PIP5K1B: variants seen among roughly 807,000 people sequenced by gnomAD.
PIP5K1B encodes the protein phosphatidylinositol 4-phosphate 5-kinase type-1 beta.
PIP5K1B carries 42 observed loss-of-function variants against 67.0 expected under a neutral mutation model. The ratio of observed to expected loss-of-function variants is 0.63; its 90% CI spans 0.49 to 0.81. The LOEUF (loss-of-function observed/expected upper bound fraction) is 0.81, where lower values mean the gene tolerates loss of function less well. Ranked by LOEUF, PIP5K1B falls within the 30% of genes least tolerant of loss-of-function variation. PIP5K1B has a pLI of 0.00. For missense variants in PIP5K1B, 459 were observed against 646.3 expected, an observed-to-expected ratio of 0.71 and a Z score of 3.14; for synonymous variants, 214 against 231.4, an observed-to-expected ratio of 0.92 and a Z score of 0.68.
At chr9:68,998,537 T>C (rs1337979610) in intron 15 of PIP5K1B, among the ~76,000 whole-genome samples, 1 of 152,186 alleles carries the variant, frequency 6.6e-6, no homozygotes, top group African/African-American at 2.4e-5. Context: ...TTGTCTTCCT[T>C]GTCAGAGAAA....
intron 2 of PIP5K1B, among the ~76,000 whole-genome samples, chr9:68,786,628 G>GT (rs146915349): frequency 0.13 from 19,761 of 148,584 alleles, 1,389 homozygotes; most frequent in Non-Finnish European, 0.17. Flanking sequence ...ATACCAGGAA[G>GT]TTTTTTTTTT....
chr9:68,894,492 T>A lies in PIP5K1B; in HGVS notation c.625T>A (p.Tyr209Asn). Residue 209 changes from tyrosine (Y) to asparagine (N), a missense_variant, in exon 8 of 16, where the codon TAT (tyrosine) becomes AAT (asparagine). Physicochemically the swap from Tyr to Asn is moderately radical, Grantham distance 143. Transcript: ENST00000265382. ...HFTYDLKGST[Y>N]KRRASRKERE... ...TACATATGACTTGAAAGGCTCAACGTATAAGCGAAGAGCATCCCGTAAAGA... is the reference window on the plus strand; with the variant it reads ...TACATATGACTTGAAAGGCTCAACGAATAAGCGAAGAGCATCCCGTAAAGA... 1 of 1,614,132 alleles carries A rather than the reference T, an allele frequency of 6.2e-7. No homozygotes were observed. The highest frequency in any genetic ancestry group is 1.1e-5 in the South Asian group (1 of 91,086).
At chr9:68,972,747 CT>C (rs1829447054) in intron 14 of PIP5K1B, among the ~76,000 whole-genome samples, 1 of 152,134 alleles carries the variant, frequency 6.6e-6, no homozygotes, top group South Asian at 2.1e-4. Flanking sequence ...TACACAACTC[CT>C]TCTGAGCCAG....
At chr9:68,867,216 A>C (rs1013211715) in intron 5 of PIP5K1B, among the ~76,000 whole-genome samples, 1 of 152,162 alleles carries the variant, frequency 6.6e-6, no homozygotes, top group African/African-American at 2.4e-5. Context: ...TTAAATGAAA[A>C]AGAATTATTG....
intron 2 of PIP5K1B, among the ~76,000 whole-genome samples, chr9:68,785,692 G>A (rs1482596628): frequency 6.6e-6 from 1 of 152,160 alleles, no homozygotes; most frequent in Non-Finnish European, 1.5e-5. Flanking sequence ...ACTTGCCCAG[G>A]ATTCCAGAGC....
At chr9:68,944,092 A>G (rs78725177) in intron 14 of PIP5K1B, among the ~76,000 whole-genome samples, 334 of 152,304 alleles carry the variant, frequency 2.2e-3, no homozygotes, top group African/African-American at 7.7e-3. Context: ...TAACCTACTG[A>G]TTGGGAGTAC....
At chr9:68,823,147 T>A (rs990918553) in intron 4 of PIP5K1B, among the ~76,000 whole-genome samples, 4 of 152,314 alleles carry the variant, frequency 2.6e-5, no homozygotes, top group East Asian at 1.9e-4. Context: ...TTAATAAAAA[T>A]TAATATTCTT....
intron 14 of PIP5K1B, among the ~76,000 whole-genome samples, chr9:68,953,489 T>C (rs955531146): frequency 2.0e-5 from 3 of 152,120 alleles, no homozygotes; most frequent in African/African-American, 7.2e-5. Flanking sequence ...TCTTCATTTG[T>C]CTGCTCAACT....
intron 6 of PIP5K1B, among the ~76,000 whole-genome samples, chr9:68,885,116 C>CCAT (rs1824402716): frequency 6.6e-6 from 1 of 152,166 alleles, no homozygotes; most frequent in African/African-American, 2.4e-5. Flanking sequence ...CAATGGAATA[C>CCAT]TGTTCAGCCT....
chr9:68,920,353 G>GGAT lies in PIP5K1B; in HGVS notation c.1116+625_1116+626insATG. Among the ~76,000 whole-genome samples, 7 of 134,314 alleles carry GGAT rather than the reference G, an allele frequency of 5.2e-5. 2 individuals are homozygous for GGAT. Among genetic ancestry groups the GGAT allele is most frequent in the African/African-American group, 1.5e-4 (5 of 34,342 alleles). The allele number at this position is 134,314 out of a possible 152,430, so 88.1% of individuals were successfully genotyped here. A position where few individuals can be genotyped will look rare whatever the true frequency, so the allele number is the denominator to read the frequency against. Reference sequence around the variant, plus strand: ...ACATTTATACATGCTGGCTGCCTGAGGTTGTCTTTTTTTTTTTTTTTTTTT... The same window carrying GGAT: ...ACATTTATACATGCTGGCTGCCTGAGGATGTTGTCTTTTTTTTTTTTTTTTTTT... On this transcript the variant is annotated intron_variant, in intron 11 of 15. Coordinates refer to ENST00000265382, the MANE Select transcript of PIP5K1B (RefSeq NM_003558.4).
chr9:68,888,010 G>A (rs549244556), intron 6 of PIP5K1B, among the ~76,000 whole-genome samples: 103 of 138,684 alleles, frequency 7.4e-4, no homozygotes, highest in African/African-American at 2.6e-3. Flanking sequence ...GCAGAGTCTC[G>A]CTCTGTCGCC....
rs1370982071 is a variant in PIP5K1B, at chr9:68,718,333, T to A, written c.-243+12571T>A. Reference sequence around the variant, plus strand: ...CCTGGGAAATGTCTGTATTTTTTCCTATAGTGCTCACCCTAAAGTTCACAC... The same window carrying A: ...CCTGGGAAATGTCTGTATTTTTTCCAATAGTGCTCACCCTAAAGTTCACAC... On this transcript the variant is annotated intron_variant, in intron 1 of 15. Coordinates refer to ENST00000265382, the MANE Select transcript of PIP5K1B (RefSeq NM_003558.4). Among the ~76,000 whole-genome samples the A allele has an allele frequency of 5.4e-4, 82 of 152,362 alleles. 1 individual carries two copies. Among genetic ancestry groups the A allele is most frequent in the Non-Finnish European group, 7.4e-5 (5 of 68,024 alleles).
chr9:68,938,145 A>C (rs1027195495), intron 13 of PIP5K1B, among the ~76,000 whole-genome samples: 3 of 152,058 alleles, frequency 2.0e-5, no homozygotes, highest in African/African-American at 7.2e-5. Context: ...TCAAGTCCTG[A>C]ATATCCTTGT....
Position 68,863,447 on chromosome 9 carries a change from A to C in PIP5K1B, c.70-390A>C, listed in dbSNP as rs117963501. 5.4e-3 allele frequency among the ~76,000 whole-genome samples: 821 copies of C among 152,298 alleles called. 4 individuals carry two copies. The highest frequency in any genetic ancestry group is 0.014 in the Middle Eastern group (4 of 294). ...CACACACGCACACACACACGTATAC[A>C]GTAGTTATTCTCCAAGTTAACATTA... is the stretch of plus-strand genomic sequence containing the variant. On this transcript the variant is annotated intron_variant, in intron 4 of 15. Coordinates refer to ENST00000265382, the MANE Select transcript of PIP5K1B (RefSeq NM_003558.4).
chr9:69,002,198 A>G (rs879757158), intron 15 of PIP5K1B, among the ~76,000 whole-genome samples: 2 of 152,172 alleles, frequency 1.3e-5, no homozygotes, highest in Admixed American at 1.3e-4. Flanking sequence ...CTTCATCCCA[A>G]TTGTACACAT....
At chr9:68,809,652 C>T (rs1390826548) in intron 2 of PIP5K1B, among the ~76,000 whole-genome samples, 3 of 152,146 alleles carry the variant, frequency 2.0e-5, no homozygotes, top group Non-Finnish European at 2.9e-5. Flanking sequence ...ATACCCTTCA[C>T]GGTGCTGGGT....
intron 5 of PIP5K1B, among the ~76,000 whole-genome samples, chr9:68,866,670 G>A (rs906643768): frequency 6.6e-6 from 1 of 152,114 alleles, no homozygotes; most frequent in Non-Finnish European, 1.5e-5. Flanking sequence ...AAAATAATCA[G>A]GTACTAGACC....
intron 4 of PIP5K1B, among the ~76,000 whole-genome samples, chr9:68,839,320 T>C (rs1821788729): frequency 6.6e-6 from 1 of 152,236 alleles, no homozygotes; most frequent in Non-Finnish European, 1.5e-5. Flanking sequence ...TGGTTTTGTT[T>C]GTTTTATTCT....
chr9:68,940,611 A>G (rs1827508716), intron 13 of PIP5K1B, 35 bp from the exon 14 acceptor site: 2 of 1,599,578 alleles, frequency 1.3e-6, no homozygotes, highest in South Asian at 1.1e-5. Context: ...TTTATCCTTG[A>G]GATTCATGAA....
Sources: gnomAD v4.1 joint callset for allele counts (sites outside exome capture counted in the v4.1 genomes callset) on GRCh38, gnomAD v4.1.1 for gene constraint, MANE v1.5 for transcripts, NCBI Gene and HGNC (gene_info 2026-07-23, HGNC 2026-07-21) for gene names.